Variants in COL25A1 observed in about 807,000 individuals in gnomAD.
The protein encoded by COL25A1 is collagen type XXV alpha 1 chain.
COL25A1 carries 103 observed loss-of-function variants against 128.4 expected under a neutral mutation model. The ratio of observed to expected loss-of-function variants is 0.80; its 90% CI spans 0.68 to 0.94. The LOEUF (loss-of-function observed/expected upper bound fraction) is 0.94. Among genes scored for constraint, COL25A1 ranks in the 40% least tolerant of loss-of-function variants. The pLI is 0.00. For synonymous variants in COL25A1, 279 were observed against 277.2 expected, an observed-to-expected ratio of 1.01 and a Z score of -0.06; for missense variants, 745 against 840.0, an observed-to-expected ratio of 0.89 and a Z score of 1.40.
chr4:109,261,728 C>T (rs999209056), intron 3 of COL25A1, among the ~76,000 whole-genome samples: 1 of 150,472 alleles, frequency 6.6e-6, no homozygotes, highest in Non-Finnish European at 1.5e-5. Flanking sequence ...GACAGAGTCT[C>T]GCTCTGTCAC....
rs141217494 is a variant in COL25A1 at position 109,283,227 on chromosome 4, G to A, written c.367+17356C>T. Among the ~76,000 whole-genome samples the A allele has an allele frequency of 3.0e-3, 460 of 152,152 alleles. 3 individuals carry two copies. Among genetic ancestry groups the A allele is most frequent in the African/African-American group, 0.01 (430 of 41,538 alleles). On this transcript the variant is annotated intron_variant, in intron 3 of 37. Coordinates refer to ENST00000399132, the MANE Select transcript of COL25A1 (RefSeq NM_198721.4). ...GCTGCTATAGCTTAGTTGGGTCACT[G>A]AACAAAATGCGAAAGTTCAGGCTTT...
intron 6 of COL25A1, among the ~76,000 whole-genome samples, chr4:108,990,460 T>C (rs1421706066): frequency 6.6e-6 from 1 of 151,710 alleles, no homozygotes; most frequent in Middle Eastern, 3.2e-3. Context: ...CGTGTGCACA[T>C]AAATGTTTAT....
At chr4:109,257,552 G>C (rs896253857) in intron 3 of COL25A1, among the ~76,000 whole-genome samples, 2 of 152,162 alleles carry the variant, frequency 1.3e-5, no homozygotes, top group Non-Finnish European at 2.9e-5. Context: ...AACTTGTCAG[G>C]GGACTACGGT....
At chr4:109,210,477 C>T (rs1192377837) in intron 3 of COL25A1, among the ~76,000 whole-genome samples, 3 of 152,124 alleles carry the variant, frequency 2.0e-5, no homozygotes, top group Non-Finnish European at 4.4e-5. Context: ...AGATACCTTC[C>T]AAGATACTGG....
intron 8 of COL25A1, among the ~76,000 whole-genome samples, chr4:108,965,440 G>A (rs140657476): frequency 2.4e-3 from 363 of 152,248 alleles, no homozygotes; most frequent in African/African-American, 8.2e-3. Context: ...ACTTCATGAC[G>A]TTTCTTCATT....
chr4:108,902,344 G>C lies in COL25A1; in HGVS notation c.781-1172C>G, dbSNP rs78999137. On this transcript the variant is annotated intron_variant, in intron 13 of 37. Transcript: ENST00000399132. ...CTATTTTACAGGCAAAGAAACTAAGGCACAGAGAAGTTAAGTAATTTGTCC... is the reference window on the plus strand; with the variant it reads ...CTATTTTACAGGCAAAGAAACTAAGCCACAGAGAAGTTAAGTAATTTGTCC... Among the ~76,000 whole-genome samples the C allele has an allele frequency of 4.8e-3, 735 of 152,016 alleles. 14 individuals carry two copies. The East Asian group carries it at 0.062, about 13-fold the overall frequency.
chr4:108,959,627 T>C (rs1462329013), intron 8 of COL25A1, among the ~76,000 whole-genome samples: 2 of 152,206 alleles, frequency 1.3e-5, no homozygotes, highest in Non-Finnish European at 2.9e-5. Context: ...CTTGACTTAT[T>C]GTAACAGTTA....
intron 6 of COL25A1, among the ~76,000 whole-genome samples, chr4:108,986,774 G>A (rs968069804): frequency 6.6e-6 from 1 of 152,140 alleles, no homozygotes; most frequent in Non-Finnish European, 1.5e-5. Flanking sequence ...TGGACTGAGT[G>A]TTGATATTAA....
intron 19 of COL25A1, among the ~76,000 whole-genome samples, chr4:108,875,762 CAT>C (rs1739374513): frequency 1.3e-5 from 2 of 152,172 alleles, no homozygotes; most frequent in African/African-American, 4.8e-5. Context: ...CACATGCACA[CAT>C]ATGTTTATTG....
chr4:108,845,186 T>C lies in COL25A1; in HGVS notation c.1578+3A>G, dbSNP rs1734941359. ...AATGGAAGTTCAGCCACCATGGACTTACAGAAGGACCCTGTGGACCCGGCA... is the reference window on the plus strand; with the variant it reads ...AATGGAAGTTCAGCCACCATGGACTCACAGAAGGACCCTGTGGACCCGGCA... On this transcript the variant is annotated splice_donor_region_variant and intron_variant, in intron 29 of 37. Coordinates refer to ENST00000399132, the MANE Select transcript of COL25A1 (RefSeq NM_198721.4). The C allele has an allele frequency of 1.4e-5, 22 of 1,612,966 alleles. No homozygotes were observed. The East Asian group carries it at 4.5e-4, about 33-fold the overall frequency.
rs1763781670 is a variant in COL25A1, at chr4:109,080,945, C to T, written c.368-30766G>A. Among the ~76,000 whole-genome samples, 2 of 152,244 alleles carry T rather than the reference C, an allele frequency of 1.3e-5. 1 individual carries two copies. Among genetic ancestry groups the T allele is most frequent in the South Asian group, 4.2e-4 (2 of 4,818 alleles). On this transcript the variant is annotated intron_variant, in intron 3 of 37. Transcript: ENST00000399132. The stretch of plus-strand genomic sequence containing the variant: ...GCATAATATACTTATCTAATTTGAT[C>T]CTCATAAAAGTTCTGGGAAGAGTAG...
chr4:109,084,247 G>A (rs1027865536), intron 3 of COL25A1, among the ~76,000 whole-genome samples: 14 of 151,958 alleles, frequency 9.2e-5, no homozygotes, highest in African/African-American at 2.4e-4. Context: ...TGGATTTCTC[G>A]GTAGACCGTA....
chr4:109,016,488 G>A (rs373248271), intron 5 of COL25A1, among the ~76,000 whole-genome samples: 1 of 152,242 alleles, frequency 6.6e-6, no homozygotes, highest in Non-Finnish European at 1.5e-5. Context: ...GCCAGGAAAG[G>A]CCTGAAGCCT....
At chr4:109,290,809 T>C (rs550501266) in intron 3 of COL25A1, among the ~76,000 whole-genome samples, 47 of 152,042 alleles carry the variant, frequency 3.1e-4, no homozygotes, top group Non-Finnish European at 5.9e-4. Flanking sequence ...AGTTTACGAA[T>C]TTGTGTTGGA....
At chr4:109,248,857 GAAGCACTACTC>G (rs1780458047) in intron 3 of COL25A1, among the ~76,000 whole-genome samples, 1 of 152,122 alleles carries the variant, frequency 6.6e-6, no homozygotes, top group South Asian at 2.1e-4. Context: ...TTGATAAGAA[GAAGCACTACTC>G]AAGCCAGCTC....
chr4:109,065,666 C>G (rs1762390426), intron 3 of COL25A1, among the ~76,000 whole-genome samples: 1 of 151,046 alleles, frequency 6.6e-6, no homozygotes, highest in African/African-American at 2.4e-5. Flanking sequence ...ATGAAACAAC[C>G]AAAAATATCT....
At chr4:109,091,477 T>C (rs1196658982) in intron 3 of COL25A1, among the ~76,000 whole-genome samples, 1 of 152,234 alleles carries the variant, frequency 6.6e-6, no homozygotes, top group African/African-American at 2.4e-5. Flanking sequence ...ATGTCCTATG[T>C]TGTTGTTTAA....
Position 108,933,464 on chromosome 4 carries a change from T to TAA in COL25A1, c.708+4342_708+4343dup, listed in dbSNP as rs1235033448. ...GATATGATATTTAGGAGAAGAAAGC[T>TAA]AAAACAACAACAACTACAAATAGGA... On this transcript the variant is annotated intron_variant, in intron 11 of 37. Coordinates refer to ENST00000399132, the MANE Select transcript of COL25A1 (RefSeq NM_198721.4). 2.6e-5 allele frequency among the ~76,000 whole-genome samples: 4 copies of TAA among 152,284 alleles called. No individual in the cohort carries two copies. In the South Asian group the frequency reaches 8.3e-4, roughly 32 times the overall value.
intron 3 of COL25A1, among the ~76,000 whole-genome samples, chr4:109,082,076 G>A (rs573151427): frequency 1.3e-3 from 203 of 152,234 alleles, no homozygotes; most frequent in African/African-American, 4.6e-3. Flanking sequence ...CATATACTAT[G>A]TGGTCTTTTA....
Sources: allele counts gnomAD v4.1 joint callset (sites outside exome capture counted in the v4.1 genomes callset), GRCh38; gene constraint gnomAD v4.1.1; transcripts MANE v1.5; gene names NCBI Gene and HGNC (gene_info 2026-07-23, HGNC 2026-07-21).